Variants in DGKZ observed in about 807,000 individuals in gnomAD.
DGKZ encodes the protein DAG kinase zeta.
DGKZ carries 45 observed loss-of-function variants against 142.5 expected under a neutral mutation model. The observed-to-expected ratio is 0.32, with a 90% CI of 0.25 to 0.40. The LOEUF (loss-of-function observed/expected upper bound fraction) is 0.40. DGKZ is among the 10% of genes least tolerant of loss of function. The pLI is 1.00. For missense variants in DGKZ, 755 were observed against 1,306.5 expected (o/e 0.58, Z 6.51); for synonymous variants, 442 against 527.0 (o/e 0.84, Z 2.21).
chr11:46,336,239 T>C (rs1252951907), intron 1 of DGKZ, among the ~76,000 whole-genome samples: 2 of 152,054 alleles, frequency 1.3e-5, no homozygotes, highest in African/African-American at 2.4e-5. Flanking sequence ...AGTGCCAGCA[T>C]GGGCTGGAAG....
intron 4 of DGKZ, 150 bp from the exon 5 acceptor site, chr11:46,369,341 CAGG>C (rs1415907596): frequency 1.2e-6 from 1 of 816,234 alleles, no homozygotes; most frequent in East Asian, 2.6e-5. Flanking sequence ...GGGCTTCTCA[CAGG>C]AGGTGTCTCG....
intron 1 of DGKZ, among the ~76,000 whole-genome samples, chr11:46,354,537 C>T (rs532114061): frequency 1.3e-5 from 2 of 152,326 alleles, no homozygotes; most frequent in South Asian, 4.1e-4. Flanking sequence ...TCTTTCTAAA[C>T]ACATTAAATA....
intron 5 of DGKZ, 144 bp downstream of exon 5, chr11:46,369,694 G>A (rs901616928): frequency 3.5e-6 from 4 of 1,145,198 alleles, no homozygotes; most frequent in African/African-American, 1.5e-5. Flanking sequence ...GCCATGCGGA[G>A]GCCTAACTAG....
chr11:46,376,753 G>T, intron 24 of DGKZ, 189 bp downstream of exon 24: 1 of 819,244 alleles, frequency 1.2e-6, no homozygotes, highest in Non-Finnish European at 1.9e-6. Flanking sequence ...GTATAGGGCG[G>T]TGCCAGCCAG....
chr11:46,352,804 TG>T (rs1941573351), intron 1 of DGKZ, among the ~76,000 whole-genome samples: 1 of 152,238 alleles, frequency 6.6e-6, no homozygotes. Flanking sequence ...TTGCTCTTCT[TG>T]GCTCTCCTCT....
intron 1 of DGKZ, among the ~76,000 whole-genome samples, chr11:46,333,804 C>A (rs1050730482): frequency 6.6e-6 from 1 of 152,082 alleles, no homozygotes; most frequent in Non-Finnish European, 1.5e-5. Context: ...CAGGAGATGC[C>A]CCCTGGCCCT....
At chr11:46,368,106 C>A (rs370625817) in intron 4 of DGKZ, 27 bp downstream of exon 4, 3 of 1,612,856 alleles carry the variant, frequency 1.9e-6, no homozygotes, top group Admixed American at 1.7e-5. Context: ...GCTTTGCCCG[C>A]CCCTGCCCTT....
chr11:46,336,746 G>A (rs996037250), intron 1 of DGKZ, among the ~76,000 whole-genome samples: 1 of 152,080 alleles, frequency 6.6e-6, no homozygotes, highest in Non-Finnish European at 1.5e-5. Flanking sequence ...GTAGGGATGG[G>A]GTTTCGCCGT....
rs543404986 is a variant in DGKZ, at chr11:46,369,561, A to G, written c.501+11A>G. The G allele has an allele frequency of 3.1e-6, 5 of 1,612,242 alleles. No homozygotes were observed. Among genetic ancestry groups the G allele is most frequent in the South Asian group, 1.1e-5 (1 of 91,000 alleles). On this transcript the variant is annotated intron_variant, in intron 5 of 30. Transcript: ENST00000527911. ...AGGAATGTCCGCGAGGTAAGTGCCCAGGGTGGTCAGGGATGGGGCCACCCT... is the reference window on the plus strand; with the variant it reads ...AGGAATGTCCGCGAGGTAAGTGCCCGGGGTGGTCAGGGATGGGGCCACCCT...
chr11:46,377,510 TC>T (rs1944687771), intron 25 of DGKZ: 1 of 445,072 alleles, frequency 2.2e-6, no homozygotes, highest in South Asian at 4.6e-5. Flanking sequence ...CACCAGCCCT[TC>T]CCGGCTGCCA....
At chr11:46,379,540 G>A in exon 30 of DGKZ, 1 of 1,611,070 alleles carries the variant, frequency 6.2e-7, no homozygotes, top group South Asian at 1.1e-5. Flanking sequence ...GTGGAGGCCG[G>A]GGCCTCGCTC....
At chr11:46,334,989 G>T (rs993186382) in intron 1 of DGKZ, among the ~76,000 whole-genome samples, 3 of 152,120 alleles carry the variant, frequency 2.0e-5, no homozygotes, top group Admixed American at 2.0e-4. Flanking sequence ...GGATGACCCC[G>T]AGTTTTGCCT....
chr11:46,366,986 T>C, intron 1 of DGKZ: 1 of 1,521,498 alleles, frequency 6.6e-7, no homozygotes, highest in Non-Finnish European at 8.8e-7. Context: ...CCTGCTCGCG[T>C]AGGTATAGCT....
chr11:46,356,385 G>T (rs1427385579), intron 1 of DGKZ, among the ~76,000 whole-genome samples: 6 of 152,172 alleles, frequency 3.9e-5, no homozygotes, highest in Admixed American at 3.9e-4. Context: ...CCATGAGGCT[G>T]AGTCCAGACC....
chr11:46,380,145 A>C (rs1448795599), exon 31 of DGKZ: 14 of 574,406 alleles, frequency 2.4e-5, no homozygotes, highest in Non-Finnish European at 4.0e-5. Context: ...TGTTCCCCTG[A>C]GGACCCCGCC....
intron 1 of DGKZ, among the ~76,000 whole-genome samples, chr11:46,339,837 A>T (rs140859427): frequency 6.6e-6 from 1 of 152,206 alleles, no homozygotes; most frequent in African/African-American, 2.4e-5. Flanking sequence ...GGCCCCTCCA[A>T]GGTCCAGGGT....
At chr11:46,346,496 G>A (rs908545568), upstream of DGKZ, among the ~76,000 whole-genome samples, 4 of 152,198 alleles carry the variant, frequency 2.6e-5, no homozygotes, top group Non-Finnish European at 4.4e-5. Context: ...GGAGGGGGAC[G>A]GCCTCGGCTG....
intron 26 of DGKZ, 61 bp downstream of exon 26, chr11:46,378,290 G>T: frequency 6.4e-7 from 1 of 1,571,930 alleles, no homozygotes; most frequent in Admixed American, 1.8e-5. Context: ...AGGCTCAGTG[G>T]GGTGGGGATA....
intron 1 of DGKZ, among the ~76,000 whole-genome samples, chr11:46,360,413 TTGC>T (rs1379431880): frequency 1.3e-5 from 2 of 151,832 alleles, no homozygotes; most frequent in African/African-American, 4.8e-5. Context: ...AGCTTTCAAG[TTGC>T]TGAACACATG....
Sources: allele counts gnomAD v4.1 joint callset (sites outside exome capture counted in the v4.1 genomes callset), GRCh38; gene constraint gnomAD v4.1.1; transcripts MANE v1.5; gene names NCBI Gene and HGNC (gene_info 2026-07-23, HGNC 2026-07-21).